KCNMA1: variants seen among roughly 807,000 people sequenced by gnomAD.
KCNMA1 encodes Calcium-activated potassium channel subunit alpha-1.
Under a neutral mutation model 140.0 loss-of-function variants are expected in KCNMA1, and 29 were observed. The observed-to-expected ratio is 0.21, with a 90% CI of 0.15 to 0.28. The LOEUF is 0.28. KCNMA1 is among the 10% of genes least tolerant of loss of function. The pLI is 1.00. For missense variants in KCNMA1, 880 were observed against 1,602.2 expected (o/e 0.55, Z 7.70); for synonymous variants, 612 against 611.9 (o/e 1.00, Z 0.00).
intron 1 of KCNMA1, among the ~76,000 whole-genome samples, chr10:77,435,093 C>T (rs1030223981): frequency 6.7e-6 from 1 of 150,070 alleles, no homozygotes; most frequent in Non-Finnish European, 1.5e-5. Flanking sequence ...TGCTACCACA[C>T]CTGGCTATTT....
At chr10:76,978,345 A>G (rs937044204) in intron 19 of KCNMA1, 2 of 152,264 alleles carry the variant, frequency 1.3e-5, no homozygotes, top group African/African-American at 4.8e-5. Flanking sequence ...TTGAGGAAAT[A>G]GATAATTCCA....
At chr10:77,109,745 G>C (rs2097276605) in intron 8 of KCNMA1, among the ~76,000 whole-genome samples, 1 of 152,124 alleles carries the variant, frequency 6.6e-6, no homozygotes, top group Non-Finnish European at 1.5e-5. Context: ...TGGAAGTTAG[G>C]GGAGGAACAT....
intron 1 of KCNMA1, among the ~76,000 whole-genome samples, chr10:77,622,088 G>A (rs1339083593): frequency 6.6e-6 from 1 of 152,118 alleles, no homozygotes; most frequent in East Asian, 1.9e-4. Flanking sequence ...CTGCATGACT[G>A]TATATAGCCC....
intron 2 of KCNMA1, among the ~76,000 whole-genome samples, chr10:77,402,783 C>T (rs1298072601): frequency 1.3e-5 from 2 of 152,192 alleles, no homozygotes; most frequent in African/African-American, 2.4e-5. Context: ...GTCTTTGAGC[C>T]TCGCAGGCCT....
At chr10:77,594,028 T>A (rs1260435533) in intron 1 of KCNMA1, among the ~76,000 whole-genome samples, 1 of 152,142 alleles carries the variant, frequency 6.6e-6, no homozygotes, top group African/African-American at 2.4e-5. Flanking sequence ...TCACAGCTGA[T>A]CTCACTGCAG....
chr10:76,995,590 G>A (rs71475628), intron 19 of KCNMA1: 2 of 471,048 alleles, frequency 4.2e-6, no homozygotes, highest in East Asian at 1.4e-4. Context: ...TGAGATAGTG[G>A]AGGAGGATGG....
Position 77,514,890 on chromosome 10 carries a change from C to T in KCNMA1, c.379-110867G>A, listed in dbSNP as rs577412003. Reference sequence around the variant, plus strand: ...TTTTTACAGAAACCAGGAGCTACTGCCTGTTTTGTTTTTTTTTGTTTTTTT... The same window carrying T: ...TTTTTACAGAAACCAGGAGCTACTGTCTGTTTTGTTTTTTTTTGTTTTTTT... On this transcript the variant is annotated intron_variant, in intron 1 of 27. Transcript: ENST00000286628. Among the ~76,000 whole-genome samples the T allele has an allele frequency of 2.0e-5, 3 of 152,232 alleles. No homozygotes were observed. The South Asian group carries it at 6.2e-4, about 32-fold the overall frequency.
At chr10:77,451,861 C>A (rs919805293) in intron 1 of KCNMA1, among the ~76,000 whole-genome samples, 8 of 152,280 alleles carry the variant, frequency 5.3e-5, no homozygotes, top group African/African-American at 1.9e-4. Flanking sequence ...TGTGGAGAGT[C>A]ACAAAACATA....
At chr10:77,491,426 C>T (rs576648313) in intron 1 of KCNMA1, among the ~76,000 whole-genome samples, 8 of 152,164 alleles carry the variant, frequency 5.3e-5, no homozygotes, top group African/African-American at 9.6e-5. Flanking sequence ...GAGTGAGATT[C>T]CCCCCACGGC....
intron 3 of KCNMA1, chr10:77,250,752 C>G (rs1299903953): frequency 1.5e-5 from 3 of 204,708 alleles, no homozygotes; most frequent in Non-Finnish European, 2.0e-5. Context: ...GCTTTCTAAT[C>G]TGACCTCCAG....
At chr10:76,970,105 TGAGG>T in intron 19 of KCNMA1, 38 bp from the exon 20 acceptor site, 1 of 1,539,616 alleles carries the variant, frequency 6.5e-7, no homozygotes, top group Non-Finnish European at 9.0e-7. Flanking sequence ...ATGAACAGTT[TGAGG>T]GCAGACTGTG....
At chr10:77,030,048 A>T (rs1284407287) in intron 15 of KCNMA1, among the ~76,000 whole-genome samples, 1 of 152,226 alleles carries the variant, frequency 6.6e-6, no homozygotes, top group Non-Finnish European at 1.5e-5. Context: ...TGAAGGCCTC[A>T]TGCTCTCCAG....
At chr10:76,949,594 T>C (rs2065476941) in intron 21 of KCNMA1, 1 of 572,650 alleles carries the variant, frequency 1.7e-6, no homozygotes, top group African/African-American at 1.9e-5. Flanking sequence ...TGTATAGCCA[T>C]ACACATTGCT....
intron 3 of KCNMA1, among the ~76,000 whole-genome samples, chr10:77,199,361 C>G (rs2041730017): frequency 6.6e-6 from 1 of 152,042 alleles, no homozygotes; most frequent in African/African-American, 2.4e-5. Flanking sequence ...AGAAGTCTAC[C>G]CAGATTTTAA....
At chr10:77,622,207 G>A (rs1312081801) in intron 1 of KCNMA1, among the ~76,000 whole-genome samples, 1 of 152,172 alleles carries the variant, frequency 6.6e-6, no homozygotes, top group Non-Finnish European at 1.5e-5. Context: ...TTCTCATCCT[G>A]GGAATTGACA....
chr10:77,349,803 C>A (rs1007795045), intron 2 of KCNMA1, among the ~76,000 whole-genome samples: 1 of 152,178 alleles, frequency 6.6e-6, no homozygotes, highest in Non-Finnish European at 1.5e-5. Flanking sequence ...GGCCCAGAAT[C>A]AACATTTATT....
intron 1 of KCNMA1, among the ~76,000 whole-genome samples, chr10:77,406,854 T>C (rs1359395012): frequency 6.6e-6 from 1 of 152,110 alleles, no homozygotes; most frequent in African/African-American, 2.4e-5. Flanking sequence ...CGTGGGGACC[T>C]GGAAGATAGC....
chr10:77,460,531 G>GCACACACACACACACACA (rs59284219), intron 1 of KCNMA1, among the ~76,000 whole-genome samples: 38 of 147,834 alleles, frequency 2.6e-4, no homozygotes, highest in African/African-American at 9.4e-4. Flanking sequence ...GTACACACGT[G>GCACACACACACACACACA]CACACACACA....
chr10:77,251,972 T>C (rs1455548131), intron 2 of KCNMA1, among the ~76,000 whole-genome samples: 1 of 152,236 alleles, frequency 6.6e-6, no homozygotes, highest in Non-Finnish European at 1.5e-5. Flanking sequence ...ATTCACTGCA[T>C]GTATGATCTA....
Sources: gnomAD v4.1 joint callset for allele counts (sites outside exome capture counted in the v4.1 genomes callset) on GRCh38, gnomAD v4.1.1 for gene constraint, MANE v1.5 for transcripts, NCBI Gene and HGNC (gene_info 2026-07-23, HGNC 2026-07-21) for gene names.